Variants in L3MBTL3 observed in about 807,000 individuals in gnomAD.
The protein encoded by L3MBTL3 is L3MBTL histone methyl-lysine binding protein 3.
L3MBTL3 carries 27 observed loss-of-function variants against 102.3 expected under a neutral mutation model. The ratio of observed to expected loss-of-function variants is 0.26; its 90% CI spans 0.19 to 0.36. The LOEUF (loss-of-function observed/expected upper bound fraction) is 0.36, where lower values mean the gene tolerates loss of function less well. Ranked by LOEUF, L3MBTL3 falls within the 10% of genes least tolerant of loss-of-function variation. The pLI is 1.00. For synonymous variants in L3MBTL3, 340 were observed against 320.9 expected (o/e 1.06, Z -0.64); for missense variants, 798 against 955.3 (o/e 0.84, Z 2.17).
At chr6:130,101,068 C>T (rs1582567229) in intron 18 of L3MBTL3, among the ~76,000 whole-genome samples, 1 of 152,270 alleles carries the variant, frequency 6.6e-6, no homozygotes, top group Non-Finnish European at 1.5e-5. Context: ...CTAAAAAAGT[C>T]CTTAAATTGT....
Position 130,133,272 on chromosome 6 carries a change from G to T in L3MBTL3, c.1967-180G>T. 1.7e-6 allele frequency: 1 copy of T among 571,490 alleles called. No individual in the cohort carries two copies. The highest frequency in any genetic ancestry group is 2.8e-5 in the East Asian group (1 of 35,682). The allele number at this position is 571,490 out of a possible 1,614,324, so 35.4% of individuals were successfully genotyped here. A position where few individuals can be genotyped will look rare whatever the true frequency, so the allele number is the denominator to read the frequency against. On this transcript the variant is annotated intron_variant, in intron 20 of 22. Coordinates refer to ENST00000361794, the MANE Select transcript of L3MBTL3 (RefSeq NM_032438.4). The surrounding 1 kb of genome is among the most constrained non-coding windows in gnomAD (Gnocchi z 4.9). ...CAAATGATATCAGTTGAATTTACAG[G>T]TTGTTTTTTATAGTGACCTTCAGTA... is the stretch of plus-strand genomic sequence containing the variant.
intron 4 of L3MBTL3, 119 bp downstream of exon 4, chr6:130,049,512 T>G: frequency 1.3e-6 from 1 of 742,696 alleles, no homozygotes; most frequent in Non-Finnish European, 2.2e-6. Context: ...TGCCTCATGT[T>G]GTTAGGTAAA....
intron 2 of L3MBTL3, among the ~76,000 whole-genome samples, chr6:130,027,312 C>T (rs1779416867): frequency 2.0e-5 from 3 of 152,076 alleles, no homozygotes; most frequent in Admixed American, 6.5e-5. Context: ...AAGGCTGGAC[C>T]ATAGCTTTAT....
At chr6:130,057,539 GC>G in intron 9 of L3MBTL3, 42 bp downstream of exon 9, 1 of 1,430,792 alleles carries the variant, frequency 7.0e-7, no homozygotes, top group South Asian at 1.3e-5. Flanking sequence ...GGGCGCAGGA[GC>G]TGGGATACCA....
chr6:130,051,263 A>T lies in L3MBTL3; in HGVS notation c.304A>T (p.Thr102Ser). The T allele has an allele frequency of 6.8e-6, 11 of 1,613,078 alleles. No homozygotes were observed. Among genetic ancestry groups the T allele is most frequent in the Non-Finnish European group, 9.3e-6 (11 of 1,179,344 alleles). Residue 102 changes from threonine (T) to serine (S), a missense_variant, in exon 6 of 23, where the codon ACT (threonine) becomes TCT (serine). Coordinates refer to ENST00000361794, the MANE Select transcript of L3MBTL3 (RefSeq NM_032438.4). ...TCATCTTCTAGTCTTTTCAGAGAAGACTGGGATGCCTTTCAGGTTGAAGGA... is the reference window on the plus strand; with the variant it reads ...TCATCTTCTAGTCTTTTCAGAGAAGTCTGGGATGCCTTTCAGGTTGAAGGA... ...PGCPTVFSEKTGMPFRLKDPV... is the reference protein window; with the variant it reads ...PGCPTVFSEKSGMPFRLKDPV...
intron 10 of L3MBTL3, among the ~76,000 whole-genome samples, chr6:130,063,010 T>C (rs1263860261): frequency 2.0e-5 from 3 of 151,546 alleles, no homozygotes; most frequent in Non-Finnish European, 1.5e-5. Context: ...TTTTCTGTTT[T>C]TTTTTCGCCC....
At chr6:130,021,258 G>T (rs1271463934) in intron 1 of L3MBTL3, among the ~76,000 whole-genome samples, 1 of 152,246 alleles carries the variant, frequency 6.6e-6, no homozygotes, top group East Asian at 1.9e-4. Context: ...TCGGAAGGCC[G>T]AGAGCAAAGT....
chr6:130,055,885 C>T (rs182290520), intron 8 of L3MBTL3, among the ~76,000 whole-genome samples: 51 of 150,630 alleles, frequency 3.4e-4, no homozygotes, highest in Non-Finnish European at 5.6e-4. Context: ...TCTTCTCTTC[C>T]CTTCCCTTCC....
At chr6:130,099,435 G>A (rs1189048993) in intron 18 of L3MBTL3, among the ~76,000 whole-genome samples, 1 of 152,118 alleles carries the variant, frequency 6.6e-6, no homozygotes. Flanking sequence ...TTTTTCCATA[G>A]ATGTTTAATT....
intron 19 of L3MBTL3, among the ~76,000 whole-genome samples, chr6:130,116,857 G>A (rs1464278807): frequency 6.6e-6 from 1 of 151,940 alleles, no homozygotes; most frequent in African/African-American, 2.4e-5. Context: ...GTCAGGAAAT[G>A]TTTAGGTTGA....
At chr6:130,083,517 A>C in intron 14 of L3MBTL3, 103 bp from the exon 15 acceptor site, 3 of 563,786 alleles carry the variant, frequency 5.3e-6, no homozygotes, top group Non-Finnish European at 9.4e-6. Flanking sequence ...ATATATGAAC[A>C]TAATTTTCTA....
At chr6:130,117,966 C>T (rs1785844200) in intron 19 of L3MBTL3, among the ~76,000 whole-genome samples, 1 of 144,178 alleles carries the variant, frequency 6.9e-6, no homozygotes, top group Non-Finnish European at 1.5e-5. Context: ...CCGCCTCAGT[C>T]TCCCAAAGTG....
At chr6:130,107,815 G>GT (rs550987820) in intron 19 of L3MBTL3, among the ~76,000 whole-genome samples, 21 of 152,248 alleles carry the variant, frequency 1.4e-4, no homozygotes, top group African/African-American at 5.1e-4. Context: ...TCTCTTAGGG[G>GT]TTTTTTTCCT....
intron 7 of L3MBTL3, among the ~76,000 whole-genome samples, chr6:130,053,267 G>C (rs1432481141): frequency 2.0e-5 from 3 of 152,184 alleles, no homozygotes; most frequent in African/African-American, 7.2e-5. Context: ...CTTCAGTCTT[G>C]TAGATGAATC....
At chr6:130,066,768 A>G (rs1782289027) in intron 11 of L3MBTL3, among the ~76,000 whole-genome samples, 1 of 152,236 alleles carries the variant, frequency 6.6e-6, no homozygotes. Flanking sequence ...AATTTCTATT[A>G]TTAAATACAT....
At chr6:130,019,945 G>A (rs1437888084) in intron 1 of L3MBTL3, among the ~76,000 whole-genome samples, 1 of 139,346 alleles carries the variant, frequency 7.2e-6, no homozygotes, top group Non-Finnish European at 1.6e-5. Flanking sequence ...CGCCGGCCCG[G>A]GTGCGGGCGC....
At chr6:130,113,472 T>C (rs565002014) in intron 19 of L3MBTL3, among the ~76,000 whole-genome samples, 2 of 152,384 alleles carry the variant, frequency 1.3e-5, no homozygotes, top group African/African-American at 4.8e-5. Flanking sequence ...AATTAGGTAC[T>C]ATCTCTATTA....
intron 16 of L3MBTL3, among the ~76,000 whole-genome samples, chr6:130,087,596 A>C (rs927599414): frequency 1.3e-5 from 2 of 152,276 alleles, no homozygotes; most frequent in Admixed American, 1.3e-4. Flanking sequence ...AAATCGTAGA[A>C]TGTTGTTTAT....
In L3MBTL3 at chr6:130,028,549, A is replaced by G. The variant is rs117205364; in HGVS notation, c.-16+6244A>G. ...TAATGATCTAGAGTTTTTCCTGCCT[A>G]AAATCTATGAACTTAGGTCCTTAGG... On this transcript the variant is annotated intron_variant, in intron 2 of 22. Coordinates refer to ENST00000361794, the MANE Select transcript of L3MBTL3 (RefSeq NM_032438.4). 2.2e-3 allele frequency among the ~76,000 whole-genome samples: 339 copies of G among 152,326 alleles called. 2 individuals carry two copies. Among genetic ancestry groups the G allele is most frequent in the Non-Finnish European group, 1.2e-3 (82 of 68,028 alleles).
Sources: gnomAD v4.1 joint callset for allele counts (sites outside exome capture counted in the v4.1 genomes callset) on GRCh38, gnomAD v4.1.1 for gene constraint, Gnocchi (gnomAD v3.1) non-coding constraint, MANE v1.5 for transcripts, NCBI Gene and HGNC (gene_info 2026-07-23, HGNC 2026-07-21) for gene names.